Variants in ARHGAP15 observed in about 807,000 individuals in gnomAD.
The protein encoded by ARHGAP15 is Rho GTPase activating protein 15, also known as rho GTPase-activating protein 15.
In ARHGAP15, 51 loss-of-function variants were observed where a neutral mutation model predicts 63.7. The ratio of observed to expected loss-of-function variants is 0.80; its 90% confidence interval spans 0.64 to 1.01. ARHGAP15 has a LOEUF of 1.01. ARHGAP15 is among the 50% of genes least tolerant of loss of function. The pLI, the probability that ARHGAP15 is intolerant of heterozygous loss-of-function variation, is 0.00. For missense variants in ARHGAP15, 560 were observed against 564.6 expected (o/e 0.99, Z 0.08); for synonymous variants, 191 against 193.8 (o/e 0.99, Z 0.12).
chr2:143,270,253 A>AT (rs369612773), intron 6 of ARHGAP15, among the ~76,000 whole-genome samples: 3 of 152,116 alleles, frequency 2.0e-5, no homozygotes, highest in African/African-American at 7.2e-5. Flanking sequence ...CCAACTACAT[A>AT]TTTTTTATGA....
chr2:143,697,707 G>T (rs1285968092), intron 12 of ARHGAP15, among the ~76,000 whole-genome samples: 1 of 152,098 alleles, frequency 6.6e-6, no homozygotes, highest in Non-Finnish European at 1.5e-5. Flanking sequence ...TCAAGCAATT[G>T]TTGTCATCCC....
chr2:143,555,806 T>C (rs763546521), intron 10 of ARHGAP15, among the ~76,000 whole-genome samples: 4 of 151,990 alleles, frequency 2.6e-5, no homozygotes, highest in African/African-American at 4.8e-5. Flanking sequence ...TTTTACTCTT[T>C]AGTTTCAAAT....
At chr2:143,714,565 AG>A (rs1684725309) in intron 13 of ARHGAP15, among the ~76,000 whole-genome samples, 2 of 152,240 alleles carry the variant, frequency 1.3e-5, no homozygotes, top group African/African-American at 4.8e-5. Flanking sequence ...ACTCATTATC[AG>A]GCTGCAAATT....
intron 8 of ARHGAP15, among the ~76,000 whole-genome samples, chr2:143,447,521 G>T (rs1410452638): frequency 1.3e-5 from 2 of 152,166 alleles, no homozygotes; most frequent in Non-Finnish European, 2.9e-5. Flanking sequence ...TGATATCTGA[G>T]TTCTGGGGAG....
intron 6 of ARHGAP15, among the ~76,000 whole-genome samples, chr2:143,329,185 T>G (rs1280376555): frequency 6.6e-6 from 1 of 152,218 alleles, no homozygotes; most frequent in Non-Finnish European, 1.5e-5. Flanking sequence ...GTGACTAGGT[T>G]ACATTATACG....
intron 12 of ARHGAP15, among the ~76,000 whole-genome samples, chr2:143,664,314 A>C (rs1218849830): frequency 1.4e-4 from 21 of 151,316 alleles, no homozygotes; most frequent in Non-Finnish European, 2.7e-4. Flanking sequence ...CTCCTGAATG[A>C]CTACTGGATA....
chr2:143,337,383 G>A (rs1235994904), intron 6 of ARHGAP15, among the ~76,000 whole-genome samples: 1 of 152,176 alleles, frequency 6.6e-6, no homozygotes, highest in African/African-American at 2.4e-5. Flanking sequence ...AGGCAGTGCA[G>A]CATGATGTTG....
intron 12 of ARHGAP15, among the ~76,000 whole-genome samples, chr2:143,671,384 T>A (rs747806622): frequency 1.3e-5 from 2 of 152,150 alleles, no homozygotes; most frequent in Non-Finnish European, 2.9e-5. Flanking sequence ...TTTTGACACA[T>A]CAGAGGAGTT....
chr2:143,755,942 G>A (rs1247799520), intron 13 of ARHGAP15, among the ~76,000 whole-genome samples: 2 of 151,830 alleles, frequency 1.3e-5, no homozygotes, highest in African/African-American at 2.4e-5. Context: ...CTCCAGCCTG[G>A]GTAACAGAGT....
chr2:143,249,559 GAATCTACAGAGAA>G (rs1558840988), intron 5 of ARHGAP15, among the ~76,000 whole-genome samples: 1 of 152,034 alleles, frequency 6.6e-6, no homozygotes, highest in African/African-American at 2.4e-5. Flanking sequence ...GAAAAGTATG[GAATCTACAGAGAA>G]ACCTAGAAAA....
chr2:143,270,999 C>A (rs13001483), intron 6 of ARHGAP15, among the ~76,000 whole-genome samples: 33,487 of 152,134 alleles, frequency 0.22, 3,952 homozygotes, highest in South Asian at 0.35. Flanking sequence ...CACAAATTCA[C>A]ACTTTCTGTC....
At chr2:143,556,225 A>G (rs915053733) in intron 10 of ARHGAP15, among the ~76,000 whole-genome samples, 183 bp from the exon 11 acceptor site, 43 of 152,232 alleles carry the variant, frequency 2.8e-4, no homozygotes, top group African/African-American at 9.9e-4. Context: ...GATAATTTTA[A>G]TTAAGACTGA....
chr2:143,180,514 T>G (rs1691192378), intron 2 of ARHGAP15, among the ~76,000 whole-genome samples: 1 of 152,256 alleles, frequency 6.6e-6, no homozygotes, highest in Non-Finnish European at 1.5e-5. Flanking sequence ...CAAACTCACA[T>G]TAATGTTGAT....
At chr2:143,359,409 T>G (rs1325010331) in intron 6 of ARHGAP15, among the ~76,000 whole-genome samples, 4 of 152,274 alleles carry the variant, frequency 2.6e-5, no homozygotes, top group African/African-American at 9.6e-5. Flanking sequence ...TTTCATAATT[T>G]CCCCCTTTTT....
chr2:143,653,259 C>A (rs1375611005), intron 12 of ARHGAP15, among the ~76,000 whole-genome samples: 1 of 151,988 alleles, frequency 6.6e-6, no homozygotes, highest in East Asian at 1.9e-4. Flanking sequence ...TTTTGAGTTT[C>A]ATTAAAATTT....
chr2:143,505,758 C>T (rs1693281997), intron 9 of ARHGAP15, among the ~76,000 whole-genome samples: 1 of 152,184 alleles, frequency 6.6e-6, no homozygotes, highest in African/African-American at 2.4e-5. Flanking sequence ...CCTTTACCTA[C>T]CTCAAAGCAC....
intron 1 of ARHGAP15, among the ~76,000 whole-genome samples, chr2:143,148,275 C>G (rs1017897634): frequency 1.3e-5 from 2 of 152,062 alleles, no homozygotes; most frequent in African/African-American, 4.8e-5. Context: ...CTCCACTGCA[C>G]TCTAATCAGA....
chr2:143,213,629 A>G (rs1692639087), intron 3 of ARHGAP15, among the ~76,000 whole-genome samples: 1 of 152,368 alleles, frequency 6.6e-6, no homozygotes, highest in East Asian at 1.9e-4. Flanking sequence ...GCATGTAAAC[A>G]TTTAACAAAT....
chr2:143,649,738 G>C (rs1219312771), intron 12 of ARHGAP15, among the ~76,000 whole-genome samples: 7 of 151,826 alleles, frequency 4.6e-5, no homozygotes. Flanking sequence ...TTTAATACAA[G>C]GAAATGAAAA....
Sources: allele counts gnomAD v4.1 joint callset (sites outside exome capture counted in the v4.1 genomes callset), GRCh38; gene constraint gnomAD v4.1.1; transcripts MANE v1.5; gene names NCBI Gene and HGNC (gene_info 2026-07-23, HGNC 2026-07-21).